The following SUSD6 variants were observed in gnomAD, a reference collection of about 807,000 sequenced individuals.
SUSD6 encodes the protein sushi domain-containing protein 6.
A neutral mutation model predicts 28.4 loss-of-function variants in SUSD6; 16 were observed. The observed-to-expected ratio is 0.56, with a 90% confidence interval of 0.38 to 0.86. The LOEUF (loss-of-function observed/expected upper bound fraction) is 0.86, where lower values mean the gene tolerates loss of function less well. Among genes scored for constraint, SUSD6 ranks in the 40% least tolerant of loss-of-function variants. The pLI, the probability that SUSD6 is intolerant of heterozygous loss-of-function variation, is 0.00. For synonymous variants in SUSD6, 147 were observed against 159.6 expected, an observed-to-expected ratio of 0.92 and a Z score of 0.59; for missense variants, 341 against 384.2, an observed-to-expected ratio of 0.89 and a Z score of 0.94.
intron 1 of SUSD6, among the ~76,000 whole-genome samples, chr14:69,657,065 A>G (rs1046919345): frequency 1.3e-5 from 2 of 152,218 alleles, no homozygotes; most frequent in African/African-American, 4.8e-5. Flanking sequence ...TCTCACAGAG[A>G]GTCTTGCTTT....
At chr14:69,671,620 G>T (rs1885833973) in intron 2 of SUSD6, among the ~76,000 whole-genome samples, 1 of 152,204 alleles carries the variant, frequency 6.6e-6, no homozygotes, top group South Asian at 2.1e-4. Context: ...GAAGGGAGAA[G>T]AGTGGAGGAG....
chr14:69,654,171 A>G (rs899564351), intron 1 of SUSD6, among the ~76,000 whole-genome samples: 3 of 152,098 alleles, frequency 2.0e-5, no homozygotes, highest in Non-Finnish European at 4.4e-5. Flanking sequence ...CAAACAAAAA[A>G]CCTAAAACTG....
At chr14:69,654,788 T>G (rs1387101356) in intron 1 of SUSD6, among the ~76,000 whole-genome samples, 1 of 25,126 alleles carries the variant, frequency 4.0e-5, no homozygotes. Flanking sequence ...TTTTTTTTTT[T>G]TGGTGTGTGT....
chr14:69,684,824 C>G (rs555924731), intron 2 of SUSD6, among the ~76,000 whole-genome samples: 2 of 152,356 alleles, frequency 1.3e-5, no homozygotes, highest in East Asian at 3.9e-4. Flanking sequence ...AGGAGAAACA[C>G]CTAGCTTGGA....
At position 69,613,143 on chromosome 14, in the gene SUSD6, A is replaced by G. The variant is rs564989803; in HGVS notation, c.-81+1315A>G. ...AGGTATTTAAGCAGCAATAATATGGAAAGGTTCTTGAGGACTTACTGAGTA... is the reference window on the plus strand; with the variant it reads ...AGGTATTTAAGCAGCAATAATATGGGAAGGTTCTTGAGGACTTACTGAGTA... On this transcript the variant is annotated intron_variant, in intron 1 of 5. Coordinates refer to ENST00000342745, the MANE Select transcript of SUSD6 (RefSeq NM_014734.4). 1.3e-4 allele frequency among the ~76,000 whole-genome samples: 20 copies of G among 152,314 alleles called. No homozygotes were observed. In the East Asian group the frequency reaches 3.9e-3, roughly 29 times the overall value.
At chr14:69,690,431 G>A (rs1886136703) in intron 2 of SUSD6, among the ~76,000 whole-genome samples, 1 of 152,226 alleles carries the variant, frequency 6.6e-6, no homozygotes, top group Non-Finnish European at 1.5e-5. Flanking sequence ...TGTTTTTAAA[G>A]ATCCTTAAAG....
intron 5 of SUSD6, among the ~76,000 whole-genome samples, chr14:69,709,895 G>C (rs897609536): frequency 5.9e-5 from 9 of 152,180 alleles, no homozygotes; most frequent in Admixed American, 5.2e-4. Flanking sequence ...CTATAGTGAA[G>C]ACTTGTACAC....
At chr14:69,685,920 G>C (rs936859988) in intron 2 of SUSD6, among the ~76,000 whole-genome samples, 1 of 152,218 alleles carries the variant, frequency 6.6e-6, no homozygotes, top group Non-Finnish European at 1.5e-5. Flanking sequence ...TTGAGCAGTC[G>C]TGAGGTGTGG....
chr14:69,671,166 G>C (rs1048389315), intron 2 of SUSD6, among the ~76,000 whole-genome samples: 1 of 152,170 alleles, frequency 6.6e-6, no homozygotes, highest in South Asian at 2.1e-4. Context: ...AGAGAAACAA[G>C]CTCTCTTGGA....
At chr14:69,633,194 C>T (rs1290566144) in intron 1 of SUSD6, among the ~76,000 whole-genome samples, 1 of 152,246 alleles carries the variant, frequency 6.6e-6, no homozygotes, top group African/African-American at 2.4e-5. Flanking sequence ...CCACTACTTA[C>T]TGATCCAAGG....
In SUSD6 at chr14:69,711,850, G is replaced by A. The variant is rs1489308623; in HGVS notation, c.*871G>A. On this transcript the variant is annotated 3_prime_UTR_variant, in exon 6 of 6. Transcript: ENST00000342745. Reference sequence around the variant, plus strand: ...GCCTTGTCTTTTTTTTGTTTCCCTGGAGTATAATGGGAAGTTGCATGCTGC... The same window carrying A: ...GCCTTGTCTTTTTTTTGTTTCCCTGAAGTATAATGGGAAGTTGCATGCTGC... The A allele has an allele frequency of 6.6e-6, 1 of 152,192 alleles. No individual in the cohort carries two copies. Among genetic ancestry groups the A allele is most frequent in the African/African-American group, 2.4e-5 (1 of 41,412 alleles). 9.4% of individuals were successfully genotyped at this position (152,192 alleles called of 1,614,324 possible).
At chr14:69,690,735 C>A (rs1312159950) in intron 2 of SUSD6, among the ~76,000 whole-genome samples, 1 of 152,112 alleles carries the variant, frequency 6.6e-6, no homozygotes, top group African/African-American at 2.4e-5. Flanking sequence ...TAAGATTGTT[C>A]AAAACAGAGA....
chr14:69,665,570 A>G (rs1460215459), intron 2 of SUSD6, among the ~76,000 whole-genome samples: 1 of 152,192 alleles, frequency 6.6e-6, no homozygotes, highest in African/African-American at 2.4e-5. Flanking sequence ...ACTTTTTAAG[A>G]ACAGGATTGT....
At chr14:69,645,909 C>G (rs1885419717) in intron 1 of SUSD6, among the ~76,000 whole-genome samples, 1 of 152,140 alleles carries the variant, frequency 6.6e-6, no homozygotes, top group African/African-American at 2.4e-5. Flanking sequence ...ACCACCACGC[C>G]TGGATAATTT....
intron 1 of SUSD6, among the ~76,000 whole-genome samples, chr14:69,616,009 TACAC>T (rs1364787035): frequency 6.6e-6 from 1 of 152,244 alleles, no homozygotes. Context: ...CCTACACACA[TACAC>T]AAGTGTTTTA....
At chr14:69,709,527 T>A (rs1886433698) in intron 5 of SUSD6, among the ~76,000 whole-genome samples, 1 of 152,220 alleles carries the variant, frequency 6.6e-6, no homozygotes, top group African/African-American at 2.4e-5. Context: ...AACAGGAGTG[T>A]TCCGGGTACT....
At position 69,712,543 on chromosome 14, in the gene SUSD6, C is replaced by T. The variant is rs1886479950; in HGVS notation, c.*1564C>T. On this transcript the variant is annotated 3_prime_UTR_variant, in exon 6 of 6. Coordinates refer to ENST00000342745, the MANE Select transcript of SUSD6 (RefSeq NM_014734.4). ...CCTGTGCTGCATGTCTGCTCCTCCC[C>T]TGAGCCTGTCTGCTTGGGGGTGGTA... The T allele has an allele frequency of 6.6e-6, 1 of 152,224 alleles. No individual in the cohort carries two copies. The highest frequency in any genetic ancestry group is 6.5e-5 in the Admixed American group (1 of 15,282). 9.4% of individuals were successfully genotyped at this position (152,224 alleles called of 1,614,324 possible).
intron 1 of SUSD6, among the ~76,000 whole-genome samples, 180 bp downstream of exon 1, chr14:69,612,008 A>G (rs1884882757): frequency 6.7e-6 from 1 of 148,694 alleles, no homozygotes; most frequent in Admixed American, 6.7e-5. Context: ...CCCGGCCGCG[A>G]GCCGCGCCGC....
intron 1 of SUSD6, among the ~76,000 whole-genome samples, chr14:69,615,992 C>T (rs967008860): frequency 3.3e-5 from 5 of 152,106 alleles, no homozygotes; most frequent in African/African-American, 9.7e-5. Flanking sequence ...TAAATGTACT[C>T]CCCGCTCCTA....
Sources: allele counts gnomAD v4.1 joint callset (sites outside exome capture counted in the v4.1 genomes callset), GRCh38; gene constraint gnomAD v4.1.1; transcripts MANE v1.5; gene names NCBI Gene and HGNC (gene_info 2026-07-23, HGNC 2026-07-21).